Variants in CTNNA3 observed in about 807,000 individuals in gnomAD.
CTNNA3 encodes catenin alpha 3, also known as catenin alpha-3.
Under a neutral mutation model 95.7 loss-of-function variants are expected in CTNNA3, and 76 were observed. That is an observed-to-expected ratio of 0.79 (90% CI 0.66 to 0.96). CTNNA3 has a LOEUF of 0.96. CTNNA3 is among the 40% of genes least tolerant of loss of function. CTNNA3 has a pLI of 0.00. For synonymous variants in CTNNA3, 431 were observed against 374.4 expected (o/e 1.15, Z -1.74); for missense variants, 1,191 against 1,089.8 (o/e 1.09, Z -1.31).
intron 7 of CTNNA3, among the ~76,000 whole-genome samples, chr10:66,792,404 G>C (rs1377648629): frequency 2.0e-5 from 3 of 152,070 alleles, no homozygotes; most frequent in Admixed American, 2.0e-4. Context: ...TCTCCTAGAA[G>C]AGCTTGTTAA....
chr10:66,680,506 G>C (rs1847030606), intron 9 of CTNNA3, among the ~76,000 whole-genome samples: 1 of 152,134 alleles, frequency 6.6e-6, no homozygotes, highest in Non-Finnish European at 1.5e-5. Flanking sequence ...ATGTGGATTG[G>C]TATGTATGAA....
intron 15 of CTNNA3, among the ~76,000 whole-genome samples, chr10:65,989,450 T>A (rs2078494617): frequency 6.6e-6 from 1 of 152,156 alleles, no homozygotes; most frequent in African/African-American, 2.4e-5. Context: ...GGCAAAGGTA[T>A]TTTCCTGATT....
Position 66,249,192 on chromosome 10 carries a change from C to G in CTNNA3, c.1884+31278G>C, listed in dbSNP as rs556163087. Among the ~76,000 whole-genome samples the G allele has an allele frequency of 2.3e-4, 35 of 152,214 alleles. No individual in the cohort carries two copies. The South Asian group carries it at 7.3e-3, about 32-fold the overall frequency. ...CTACTAAAAGAAAACATCGGGGAAA[C>G]TCTCCAGAACATGAGTGTGGGCAAA... On this transcript the variant is annotated intron_variant, in intron 13 of 17. Coordinates refer to ENST00000433211, the MANE Select transcript of CTNNA3 (RefSeq NM_013266.4).
chr10:67,759,664 G>A (rs1211226644), intron 1 of CTNNA3, among the ~76,000 whole-genome samples: 1 of 152,080 alleles, frequency 6.6e-6, no homozygotes, highest in Non-Finnish European at 1.5e-5. Context: ...TAATCACTTT[G>A]ATAACTGCAT....
chr10:67,656,740 A>G (rs574933956), intron 1 of CTNNA3, among the ~76,000 whole-genome samples: 1 of 152,118 alleles, frequency 6.6e-6, no homozygotes, highest in South Asian at 2.1e-4. Flanking sequence ...AGAGCACTGC[A>G]GGCAGAAGTA....
At chr10:66,550,961 C>A (rs898259543) in intron 10 of CTNNA3, among the ~76,000 whole-genome samples, 3 of 151,916 alleles carry the variant, frequency 2.0e-5, no homozygotes, top group Non-Finnish European at 4.4e-5. Context: ...TTAGGTTATA[C>A]TTTATTGCTT....
intron 5 of CTNNA3, among the ~76,000 whole-genome samples, chr10:67,227,802 A>G (rs184779432): frequency 6.6e-6 from 1 of 152,352 alleles, no homozygotes; most frequent in East Asian, 1.9e-4. Context: ...AGGCCATAAA[A>G]TGAGCCTCAA....
intron 7 of CTNNA3, among the ~76,000 whole-genome samples, chr10:66,928,626 T>C (rs944821319): frequency 3.3e-5 from 5 of 152,164 alleles, no homozygotes; most frequent in African/African-American, 7.2e-5. Flanking sequence ...TACTGGTCAT[T>C]TTCCTCTCAT....
chr10:66,476,339 T>C (rs1232128849), intron 11 of CTNNA3, among the ~76,000 whole-genome samples: 1 of 152,098 alleles, frequency 6.6e-6, no homozygotes, highest in East Asian at 1.9e-4. Flanking sequence ...GTACCAAAAC[T>C]GCACATCCTG....
intron 10 of CTNNA3, among the ~76,000 whole-genome samples, chr10:66,571,521 G>GGACCTCTGACTCAT (rs1415185344): frequency 6.6e-6 from 1 of 152,128 alleles, no homozygotes; most frequent in Non-Finnish European, 1.5e-5. Context: ...GAGCAGTTAT[G>GGACCTCTGACTCAT]GACCTCTGAC....
chr10:66,238,325 T>C (rs1003902685), intron 13 of CTNNA3, among the ~76,000 whole-genome samples: 1 of 151,980 alleles, frequency 6.6e-6, no homozygotes, highest in African/African-American at 2.4e-5. Context: ...CTGAAGGTGA[T>C]AGTAATTATT....
intron 7 of CTNNA3, among the ~76,000 whole-genome samples, chr10:67,036,494 T>C (rs540313983): frequency 4.3e-4 from 65 of 152,124 alleles, no homozygotes; most frequent in African/African-American, 1.5e-3. Flanking sequence ...TGAAACCCCG[T>C]CTCTACTAAA....
At chr10:67,398,291 T>A (rs1844792360) in intron 5 of CTNNA3, among the ~76,000 whole-genome samples, 1 of 152,230 alleles carries the variant, frequency 6.6e-6, no homozygotes, top group Non-Finnish European at 1.5e-5. Context: ...ACCCTAGATG[T>A]GAGACATGAA....
At chr10:67,157,677 C>T (rs796784572) in intron 7 of CTNNA3, among the ~76,000 whole-genome samples, 12 of 152,096 alleles carry the variant, frequency 7.9e-5, no homozygotes, top group African/African-American at 2.6e-4. Context: ...TGCAATTAGC[C>T]GCGCATGTAG....
At chr10:67,139,299 A>ATTTTTTTTTTTTT (rs60290459) in intron 7 of CTNNA3, among the ~76,000 whole-genome samples, 1 of 117,922 alleles carries the variant, frequency 8.5e-6, no homozygotes, top group Non-Finnish European at 1.7e-5. Flanking sequence ...CGCCCGGCTA[A>ATTTTTTTTTTTTT]TTTTTTTTTT....
chr10:67,610,810 G>T (rs1384489492), intron 2 of CTNNA3, among the ~76,000 whole-genome samples: 3 of 152,178 alleles, frequency 2.0e-5, no homozygotes, highest in Non-Finnish European at 2.9e-5. Flanking sequence ...TAGGGTTTAA[G>T]CCCATGTCTT....
chr10:66,888,898 C>G (rs1008207910), intron 7 of CTNNA3, among the ~76,000 whole-genome samples: 4 of 152,168 alleles, frequency 2.6e-5, no homozygotes, highest in Non-Finnish European at 1.5e-5. Flanking sequence ...AAACTTATGT[C>G]TACACTAAAA....
chr10:66,659,355 T>C (rs1172136524), intron 9 of CTNNA3, among the ~76,000 whole-genome samples: 2 of 152,098 alleles, frequency 1.3e-5, no homozygotes, highest in African/African-American at 2.4e-5. Context: ...TAGAGACCTG[T>C]ATAAGTGAGG....
At chr10:66,387,771 C>T (rs926636459) in intron 11 of CTNNA3, among the ~76,000 whole-genome samples, 1 of 152,018 alleles carries the variant, frequency 6.6e-6, no homozygotes, top group African/African-American at 2.4e-5. Flanking sequence ...AGCCATAAAA[C>T]AGGATGAGTT....
Sources: gnomAD v4.1 joint callset for allele counts (sites outside exome capture counted in the v4.1 genomes callset) on GRCh38, gnomAD v4.1.1 for gene constraint, MANE v1.5 for transcripts, NCBI Gene and HGNC (gene_info 2026-07-23, HGNC 2026-07-21) for gene names.